Variants in ACTR3C observed in about 807,000 individuals in gnomAD.
ACTR3C encodes actin-related protein 3C.
A neutral mutation model predicts 26.3 loss-of-function variants in ACTR3C; 18 were observed. That is an observed-to-expected ratio of 0.68 (90% confidence interval 0.47 to 1.01). The LOEUF is 1.01. Among genes scored for constraint, ACTR3C ranks in the 50% least tolerant of loss-of-function variants. The pLI, the probability that ACTR3C is intolerant of heterozygous loss-of-function variation, is 0.00. For missense variants in ACTR3C, 184 were observed against 250.7 expected, an observed-to-expected ratio of 0.73 and a Z score of 1.80; for synonymous variants, 55 against 94.5, an observed-to-expected ratio of 0.58 and a Z score of 2.42.
the ACTR3C span, among the ~76,000 whole-genome samples, chr7:150,156,676 T>G: frequency 6.6e-6 from 1 of 152,056 alleles, no homozygotes; most frequent in African/African-American, 2.4e-5. Flanking sequence ...CAATTTAAAT[T>G]TCCATTGATT....
the ACTR3C span, among the ~76,000 whole-genome samples, chr7:150,125,193 G>C: frequency 6.6e-6 from 1 of 150,902 alleles, no homozygotes; most frequent in Non-Finnish European, 1.5e-5. Flanking sequence ...GGTCTTACAG[G>C]GAAATTTTAG....
the ACTR3C span, among the ~76,000 whole-genome samples, chr7:149,939,344 G>A: frequency 1.3e-5 from 2 of 152,192 alleles, no homozygotes; most frequent in Non-Finnish European, 2.9e-5. Context: ...GTAAGAAATA[G>A]CAAAAATCAT....
the ACTR3C span, among the ~76,000 whole-genome samples, chr7:149,904,216 C>A: frequency 6.7e-6 from 1 of 148,182 alleles, no homozygotes; most frequent in Non-Finnish European, 1.5e-5. Context: ...ACCACTGCGC[C>A]TGGCCTGTAA....
the ACTR3C span, among the ~76,000 whole-genome samples, chr7:149,925,185 A>G: frequency 1.3e-5 from 2 of 152,154 alleles, no homozygotes; most frequent in African/African-American, 4.8e-5. Flanking sequence ...CTGCAGAAAC[A>G]CCACAATATT....
At chr7:150,055,508 T>TA in the ACTR3C span, among the ~76,000 whole-genome samples, 2 of 149,160 alleles carry the variant, frequency 1.3e-5, no homozygotes, top group African/African-American at 2.5e-5. Flanking sequence ...TTTTTTTTTT[T>TA]ATCTTTGCTA....
the ACTR3C span, among the ~76,000 whole-genome samples, chr7:150,038,100 T>C: frequency 4.3e-5 from 6 of 139,610 alleles, 1 homozygote; most frequent in South Asian, 6.7e-4. Context: ...CCCCCTGTGA[T>C]GGGAGTCCCA....
chr7:149,901,558 C>T, the ACTR3C span, among the ~76,000 whole-genome samples: 1 of 151,182 alleles, frequency 6.6e-6, no homozygotes, highest in Non-Finnish European at 1.5e-5. Flanking sequence ...TTATAAATGA[C>T]TTAAACTAGA....
the ACTR3C span, among the ~76,000 whole-genome samples, chr7:150,030,483 C>T: frequency 3.9e-5 from 6 of 152,254 alleles, no homozygotes; most frequent in South Asian, 1.0e-3. Context: ...GCTCACATGC[C>T]TGTCTCTCCC....
At chr7:150,026,497 T>C in the ACTR3C span, among the ~76,000 whole-genome samples, 1 of 151,952 alleles carries the variant, frequency 6.6e-6, no homozygotes. Context: ...ATACAGTTCA[T>C]CTGGCAATTT....
At chr7:150,219,899 A>G in the ACTR3C span, among the ~76,000 whole-genome samples, 1 of 144,704 alleles carries the variant, frequency 6.9e-6, no homozygotes, top group East Asian at 2.0e-4. Flanking sequence ...CTGCCTCCCA[A>G]CGCCGACCTC....
the ACTR3C span, among the ~76,000 whole-genome samples, chr7:150,092,511 G>A: frequency 1.3e-5 from 2 of 149,188 alleles, no homozygotes; most frequent in Non-Finnish European, 1.5e-5. Flanking sequence ...TTAAACAATA[G>A]GGAGATACAT....
At chr7:150,033,549 T>C in the ACTR3C span, among the ~76,000 whole-genome samples, 66 of 151,888 alleles carry the variant, frequency 4.3e-4, no homozygotes, top group African/African-American at 1.5e-3. Context: ...ATGGGGGTCC[T>C]AAGCCAGGGG....
At chr7:150,172,976 G>T in the ACTR3C span, among the ~76,000 whole-genome samples, 1 of 148,740 alleles carries the variant, frequency 6.7e-6, no homozygotes, top group Admixed American at 6.6e-5. Context: ...CTGTCGCTTG[G>T]CAGGGTACAG....
chr7:150,257,254 G>A (rs1833284396), intron 6 of ACTR3C, among the ~76,000 whole-genome samples: 1 of 152,118 alleles, frequency 6.6e-6, no homozygotes, highest in African/African-American at 2.4e-5. Flanking sequence ...GAAGCCAGAG[G>A]GCCTCTGTGC....
chr7:149,973,184 C>T, the ACTR3C span, among the ~76,000 whole-genome samples: 1 of 152,226 alleles, frequency 6.6e-6, no homozygotes, highest in Non-Finnish European at 1.5e-5. Context: ...TCTCCTGCAC[C>T]TGGTGCTAGC....
chr7:149,917,504 G>T, the ACTR3C span, among the ~76,000 whole-genome samples: 1 of 152,002 alleles, frequency 6.6e-6, no homozygotes, highest in Non-Finnish European at 1.5e-5. Flanking sequence ...ACCTATTGTT[G>T]ACTCAACATA....
At chr7:150,318,583 G>A (rs551462050) in intron 1 of ACTR3C, among the ~76,000 whole-genome samples, 1 of 152,156 alleles carries the variant, frequency 6.6e-6, no homozygotes, top group African/African-American at 2.4e-5. Flanking sequence ...CCAATATGGT[G>A]AAATCCCATC....
intron 6 of ACTR3C, among the ~76,000 whole-genome samples, chr7:150,264,263 C>T (rs1377716932): frequency 6.6e-6 from 1 of 152,244 alleles, no homozygotes; most frequent in East Asian, 1.9e-4. Flanking sequence ...TCCAAGTGTC[C>T]AGCTCAGCAC....
the ACTR3C span, among the ~76,000 whole-genome samples, chr7:150,217,224 A>G: frequency 6.7e-6 from 1 of 150,358 alleles, no homozygotes; most frequent in South Asian, 2.1e-4. Context: ...AGGTTAAGCA[A>G]CTTATCCAAA....
Sources: allele counts gnomAD v4.1 joint callset (sites outside exome capture counted in the v4.1 genomes callset), GRCh38; gene constraint gnomAD v4.1.1; transcripts MANE v1.5; gene names NCBI Gene and HGNC (gene_info 2026-07-23, HGNC 2026-07-21).